Variants in ADGRA1 observed in about 807,000 individuals in gnomAD.
ADGRA1 encodes G-protein coupled receptor 123.
A neutral mutation model predicts 21.3 loss-of-function variants in ADGRA1; 12 were observed. The ratio of observed to expected loss-of-function variants is 0.56; its 90% CI spans 0.36 to 0.91. The LOEUF is 0.91. Among genes scored for constraint, ADGRA1 ranks in the 40% least tolerant of loss-of-function variants. ADGRA1 has a pLI of 0.01. For synonymous variants in ADGRA1, 385 were observed against 368.8 expected, an observed-to-expected ratio of 1.04 and a Z score of -0.50; for missense variants, 790 against 805.6, an observed-to-expected ratio of 0.98 and a Z score of 0.23.
At chr10:133,114,584 C>G (rs1346390569) in intron 5 of ADGRA1, among the ~76,000 whole-genome samples, 1 of 152,144 alleles carries the variant, frequency 6.6e-6, no homozygotes, top group Non-Finnish European at 1.5e-5. Flanking sequence ...CAGAGGTTAT[C>G]GAATGCCGAG....
intron 5 of ADGRA1, among the ~76,000 whole-genome samples, chr10:133,114,798 C>T (rs1353430426): frequency 2.0e-5 from 3 of 152,126 alleles, no homozygotes; most frequent in East Asian, 1.9e-4. Context: ...GTGAAGGTGC[C>T]GGGGCCGTCT....
At chr10:133,092,785 G>A (rs1210198434) in intron 2 of ADGRA1, among the ~76,000 whole-genome samples, 4 of 136,518 alleles carry the variant, frequency 2.9e-5, no homozygotes, top group African/African-American at 8.3e-5. Context: ...AAGGAAGGAA[G>A]GAAGGAAGGA....
chr10:133,104,958 A>G (rs997244538), intron 5 of ADGRA1, among the ~76,000 whole-genome samples: 4 of 152,066 alleles, frequency 2.6e-5, no homozygotes, highest in African/African-American at 9.7e-5. Context: ...GAAGGTGCTC[A>G]CGGTCTGCCC....
At chr10:133,112,431 G>C (rs181227581) in intron 5 of ADGRA1, among the ~76,000 whole-genome samples, 14,696 of 121,336 alleles carry the variant, frequency 0.12, 1,499 homozygotes, top group East Asian at 0.43. Flanking sequence ...GGGCCATGTC[G>C]GTTATTTGGG....
Position 133,128,785 on chromosome 10 carries a change from A to G in ADGRA1, c.957A>G (p.Ala319=), listed in dbSNP as rs1283271139. The part of the protein sequence containing the change: ...KREDVWQCWW[A]CCPPRKDAHP... ...AGGACGTGTGGCAGTGCTGGTGGGC[A>G]TGCTGCCCGCCCCGCAAGGACGCCC... Residue 319 remains alanine, a synonymous_variant, in exon 7 of 7, where the codon GCA becomes GCG. Coordinates refer to ENST00000392607, the MANE Select transcript of ADGRA1 (RefSeq NM_001083909.3). The G allele has an allele frequency of 6.2e-7, 1 of 1,610,272 alleles. No individual in the cohort carries two copies. The highest frequency in any genetic ancestry group is 8.5e-7 in the Non-Finnish European group (1 of 1,178,942).
At chr10:133,101,536 A>G (rs1851794652) in intron 4 of ADGRA1, among the ~76,000 whole-genome samples, 1 of 152,070 alleles carries the variant, frequency 6.6e-6, no homozygotes, top group Non-Finnish European at 1.5e-5. Context: ...TGACCCCCAA[A>G]TGCACATGGC....
At chr10:133,098,960 C>T (rs1371133291) in intron 4 of ADGRA1, among the ~76,000 whole-genome samples, 197 bp downstream of exon 4, 1 of 152,280 alleles carries the variant, frequency 6.6e-6, no homozygotes, top group Non-Finnish European at 1.5e-5. Context: ...TTCCACTGCA[C>T]CGCCCCCTCC....
intron 5 of ADGRA1, among the ~76,000 whole-genome samples, chr10:133,122,860 C>T (rs546997610): frequency 4.7e-5 from 7 of 149,360 alleles, no homozygotes; most frequent in Admixed American, 6.6e-5. Flanking sequence ...CAGGCACACG[C>T]GTCCCCAGGC....
At chr10:133,103,570 T>A (rs1039935955) in intron 5 of ADGRA1, among the ~76,000 whole-genome samples, 1 of 152,212 alleles carries the variant, frequency 6.6e-6, no homozygotes, top group African/African-American at 2.4e-5. Context: ...ACCATGGGCC[T>A]GCCTAGGGGG....
intron 2 of ADGRA1, among the ~76,000 whole-genome samples, chr10:133,091,769 A>G: frequency 6.6e-6 from 1 of 152,136 alleles, no homozygotes; most frequent in Non-Finnish European, 1.5e-5. Flanking sequence ...TGGGTCTAAC[A>G]CTTCCTTCCC....
At position 133,088,869 on chromosome 10, in the gene ADGRA1, T is replaced by C; in HGVS notation, c.-41T>C. On this transcript the variant is annotated 5_prime_UTR_variant, in exon 2 of 7. Coordinates refer to ENST00000392607, the MANE Select transcript of ADGRA1 (RefSeq NM_001083909.3). Reference sequence around the variant, plus strand: ...ACCTGATCGCCTCCCCCTGGACGCCTCCTCCAGCGGCGCTCACGCTTCCGC... The same window carrying C: ...ACCTGATCGCCTCCCCCTGGACGCCCCCTCCAGCGGCGCTCACGCTTCCGC... 8.1e-7 allele frequency: 1 copy of C among 1,238,022 alleles called. No individual in the cohort carries two copies. Among genetic ancestry groups the C allele is most frequent in the Non-Finnish European group, 1.0e-6 (1 of 988,210 alleles). The allele number at this position is 1,238,022 out of a possible 1,614,324, so 76.7% of individuals were successfully genotyped here.
rs1025954549 is a variant in ADGRA1, at chr10:133,131,026, C to T, written c.*1515C>T. 6.6e-6 allele frequency: 1 copy of T among 152,250 alleles called. No homozygotes were observed. The highest frequency in any genetic ancestry group is 2.4e-5 in the African/African-American group (1 of 41,456). 9.4% of individuals were successfully genotyped at this position (152,250 alleles called of 1,614,324 possible). On this transcript the variant is annotated 3_prime_UTR_variant, in exon 7 of 7. Transcript: ENST00000392607. ...CTGCAAACGTCAACGTCAGCAGACTCGTCGGTGCGCTGTGCTATCCGGTTG... is the reference window on the plus strand; with the variant it reads ...CTGCAAACGTCAACGTCAGCAGACTTGTCGGTGCGCTGTGCTATCCGGTTG...
At chr10:133,105,085 A>G (rs1054076809) in intron 5 of ADGRA1, among the ~76,000 whole-genome samples, 2 of 152,252 alleles carry the variant, frequency 1.3e-5, no homozygotes, top group South Asian at 2.1e-4. Flanking sequence ...AGAACTCTAC[A>G]TGGCCCACAC....
chr10:133,113,302 G>A (rs1356726684), intron 5 of ADGRA1, among the ~76,000 whole-genome samples: 2 of 151,774 alleles, frequency 1.3e-5, no homozygotes, highest in Non-Finnish European at 2.9e-5. Context: ...AAGTCCAATG[G>A]CACCGCGGCA....
chr10:133,093,144 G>A (rs763538740), intron 2 of ADGRA1: 37 of 1,596,450 alleles, frequency 2.3e-5, no homozygotes, highest in East Asian at 1.3e-4. Context: ...TCAGCCAGTC[G>A]GAGCTGCAGA....
At chr10:133,115,502 G>A (rs1458847775) in intron 5 of ADGRA1, among the ~76,000 whole-genome samples, 2 of 152,300 alleles carry the variant, frequency 1.3e-5, no homozygotes, top group East Asian at 1.9e-4. Flanking sequence ...ATGGTAGATC[G>A]GGGGTACCCC....
Position 133,129,504 on chromosome 10 carries a change from C to T in ADGRA1, c.1676C>T (p.Thr559Ile). 1 of 1,593,034 alleles carries T rather than the reference C, an allele frequency of 6.3e-7. No homozygotes were observed. Residue 559 changes from threonine (T) to isoleucine (I), a missense_variant, in exon 7 of 7, where the codon ACT (threonine) becomes ATT (isoleucine). Thr to Ile is a moderately conservative substitution (Grantham distance 89). Around this residue, in one of 3 missense-constraint regions of ADGRA1, gnomAD observed 391 missense variants for 351.5 expected, o/e 1.11. Coordinates refer to ENST00000392607, the MANE Select transcript of ADGRA1 (RefSeq NM_001083909.3). The part of the protein sequence containing the change: ...IRTGPWKNET[T>I]V Reference sequence around the variant, plus strand: ...ACGGGACCCTGGAAAAACGAAACTACTGTGTAGATGGGGGCAGAGGACACG... The same window carrying T: ...ACGGGACCCTGGAAAAACGAAACTATTGTGTAGATGGGGGCAGAGGACACG...
At chr10:133,118,864 CAT>C (rs1491470851) in intron 5 of ADGRA1, among the ~76,000 whole-genome samples, 1 of 139,378 alleles carries the variant, frequency 7.2e-6, no homozygotes, top group Non-Finnish European at 1.5e-5. Context: ...TGCACACACA[CAT>C]CACACACACA....
intron 4 of ADGRA1, among the ~76,000 whole-genome samples, chr10:133,101,290 C>T (rs542913269): frequency 6.6e-6 from 1 of 152,372 alleles, no homozygotes; most frequent in South Asian, 2.1e-4. Context: ...AACCTGGTCC[C>T]AGGCTCTGGA....
Sources: allele counts gnomAD v4.1 joint callset (sites outside exome capture counted in the v4.1 genomes callset), GRCh38; gene constraint gnomAD v4.1.1; regional missense constraint gnomAD v4.1.1; transcripts MANE v1.5; gene names NCBI Gene and HGNC (gene_info 2026-07-23, HGNC 2026-07-21).